Variants in SHOC1 observed in about 807,000 individuals in gnomAD.
SHOC1 encodes the protein shortage in chiasmata 1.
Under a neutral mutation model 179.2 loss-of-function variants are expected in SHOC1, and 136 were observed. The observed-to-expected ratio is 0.76, with a 90% CI of 0.66 to 0.87. The LOEUF (loss-of-function observed/expected upper bound fraction) is 0.87, where lower values mean the gene tolerates loss of function less well. SHOC1 is among the 40% of genes least tolerant of loss of function. The probability of loss-of-function intolerance (pLI) is 0.00; values close to 1 mark genes in which losing one functional copy is unlikely to be tolerated. For missense variants in SHOC1, 1,538 were observed against 1,700.8 expected (o/e 0.90, Z 1.68); for synonymous variants, 489 against 586.6 (o/e 0.83, Z 2.41).
chr9:111,740,637 A>T (rs1833987949), intron 11 of SHOC1, among the ~76,000 whole-genome samples: 1 of 152,064 alleles, frequency 6.6e-6, no homozygotes, highest in South Asian at 2.1e-4. Context: ...TGCAGTGGTG[A>T]TCTCAGCTCT....
At chr9:111,770,605 G>A (rs1835562872) in intron 5 of SHOC1, among the ~76,000 whole-genome samples, 1 of 152,060 alleles carries the variant, frequency 6.6e-6, no homozygotes, top group African/African-American at 2.4e-5. Context: ...TTTCTGTCTG[G>A]ATGATCTGTC....
At chr9:111,726,108 T>C (rs1283487091) in intron 13 of SHOC1, among the ~76,000 whole-genome samples, 2 of 152,184 alleles carry the variant, frequency 1.3e-5, no homozygotes, top group African/African-American at 2.4e-5. Context: ...CTTATTTTTA[T>C]GCAGAAGCGA....
intron 24 of SHOC1, among the ~76,000 whole-genome samples, chr9:111,694,715 A>C (rs1564103896): frequency 6.6e-6 from 1 of 152,110 alleles, no homozygotes; most frequent in African/African-American, 2.4e-5. Flanking sequence ...CTGTTTCCAA[A>C]AGTTAAACCT....
chr9:111,760,427 A>C (rs1835084746), intron 5 of SHOC1, among the ~76,000 whole-genome samples: 1 of 152,190 alleles, frequency 6.6e-6, no homozygotes, highest in South Asian at 2.1e-4. Context: ...ATTGTAGAGG[A>C]ATATTAAATT....
Position 111,738,260 on chromosome 9 carries a change from AT to A in SHOC1, c.1417+19del. On this transcript the variant is annotated intron_variant, in intron 12 of 27. Transcript: ENST00000682961. ...TTCTGAAAATGTTTACATAACTAAT[AT>A]TTACTGTGATGTACTTACATTCTAA... The A allele has an allele frequency of 1.3e-6, 2 of 1,587,028 alleles. No homozygotes were observed. Among genetic ancestry groups the A allele is most frequent in the South Asian group, 1.1e-5 (1 of 88,722 alleles).
chr9:111,758,982 A>G, intron 5 of SHOC1, 134 bp from the exon 6 acceptor site: 1 of 865,102 alleles, frequency 1.2e-6, no homozygotes, highest in Admixed American at 2.8e-5. Flanking sequence ...GTAGCTCTTC[A>G]TTGTACTGTG....
At chr9:111,745,634 G>A (rs556655936) in intron 10 of SHOC1, among the ~76,000 whole-genome samples, 10 of 152,278 alleles carry the variant, frequency 6.6e-5, no homozygotes, top group African/African-American at 2.2e-4. Flanking sequence ...AGCCAAGGAG[G>A]GAGGTCTTAG....
At chr9:111,724,300 A>G (rs1833200295) in intron 13 of SHOC1, among the ~76,000 whole-genome samples, 1 of 151,836 alleles carries the variant, frequency 6.6e-6, no homozygotes, top group Admixed American at 6.6e-5. Context: ...CTCTGTCCCA[A>G]ACCTTCCCTA....
At chr9:111,732,504 G>A (rs1181300424) in intron 12 of SHOC1, among the ~76,000 whole-genome samples, 3 of 151,998 alleles carry the variant, frequency 2.0e-5, no homozygotes, top group Admixed American at 1.3e-4. Flanking sequence ...TAAAAAACTG[G>A]GGGAAAAGCC....
intron 11 of SHOC1, among the ~76,000 whole-genome samples, chr9:111,740,979 C>T (rs886963188): frequency 6.6e-5 from 10 of 152,084 alleles, no homozygotes; most frequent in Non-Finnish European, 5.9e-5. Flanking sequence ...CCTCCGCCTC[C>T]CAGGTTTTCA....
At position 111,793,921 on chromosome 9, in the gene SHOC1, G is replaced by A. The variant is rs191866454; in HGVS notation, c.-37+979C>T. On this transcript the variant is annotated intron_variant, in intron 1 of 27. Coordinates refer to ENST00000682961, the MANE Select transcript of SHOC1 (RefSeq NM_001378211.1). ...GGCTGGAGTGCAATGGTGCGATCTT[G>A]GCTCACTGCAACCTCCAGCTCCCGG... 4.3e-3 allele frequency among the ~76,000 whole-genome samples: 647 copies of A among 152,092 alleles called. 15 individuals carry two copies. Among genetic ancestry groups the A allele is most frequent in the Admixed American group, 0.034 (524 of 15,272 alleles).
chr9:111,740,013 T>C (rs941798870), intron 11 of SHOC1, among the ~76,000 whole-genome samples: 1 of 152,242 alleles, frequency 6.6e-6, no homozygotes, highest in Non-Finnish European at 1.5e-5. Flanking sequence ...TTTAAAAGTA[T>C]ATAGGTGGTT....
chr9:111,790,346 C>T lies in SHOC1; in HGVS notation c.45+1028G>A, dbSNP rs140905222. ...TCAGAAGGGCAAAGTATCTGTCCCA[C>T]AGAAAGTGGTCAATGCATGCTATTA... On this transcript the variant is annotated intron_variant, in intron 2 of 27. Coordinates refer to ENST00000682961, the MANE Select transcript of SHOC1 (RefSeq NM_001378211.1). 4.3e-3 allele frequency among the ~76,000 whole-genome samples: 649 copies of T among 152,232 alleles called. 15 individuals carry two copies. Among genetic ancestry groups the T allele is most frequent in the Admixed American group, 0.034 (526 of 15,282 alleles).
At chr9:111,702,924 A>G (rs2131346163) in intron 22 of SHOC1, among the ~76,000 whole-genome samples, 1 of 152,332 alleles carries the variant, frequency 6.6e-6, no homozygotes, top group East Asian at 1.9e-4. Flanking sequence ...ACCCTGGGCA[A>G]CATAGCACAA....
chr9:111,690,454 G>A (rs1478336285), intron 27 of SHOC1, among the ~76,000 whole-genome samples: 1 of 152,052 alleles, frequency 6.6e-6, no homozygotes, highest in Admixed American at 6.6e-5. Context: ...AGACAAGGTA[G>A]CATGAAATAT....
At chr9:111,790,873 G>C (rs1010253962) in intron 2 of SHOC1, among the ~76,000 whole-genome samples, 1 of 152,190 alleles carries the variant, frequency 6.6e-6, no homozygotes, top group African/African-American at 2.4e-5. Flanking sequence ...GACATTAAAT[G>C]TGGAAAATAA....
intron 12 of SHOC1, among the ~76,000 whole-genome samples, chr9:111,730,867 G>A (rs531752937): frequency 2.6e-5 from 4 of 152,302 alleles, no homozygotes; most frequent in South Asian, 2.1e-4. Context: ...CAAATAGAAC[G>A]CTGTTTCATC....
rs1834027735 is a variant in SHOC1, at chr9:111,741,312, C to G, written c.1174+164G>C. 2.0e-5 allele frequency among the ~76,000 whole-genome samples: 3 copies of G among 152,022 alleles called. No homozygotes were observed. In the South Asian group the frequency reaches 6.2e-4, roughly 32 times the overall value. ...CGGATCTTGTCATATACTTCTGCAC[C>G]TAGCATAATGAACCTTATGGAAGAT... On this transcript the variant is annotated intron_variant, in intron 11 of 27. Coordinates refer to ENST00000682961, the MANE Select transcript of SHOC1 (RefSeq NM_001378211.1).
Position 111,781,141 on chromosome 9 carries a change from A to G in SHOC1, c.170-124T>C, listed in dbSNP as rs919016784. On this transcript the variant is annotated intron_variant, in intron 3 of 27. Coordinates refer to ENST00000682961, the MANE Select transcript of SHOC1 (RefSeq NM_001378211.1). ...ATTTATTCACAAATGTATTTTTTCA[A>G]AGTGATACCTGATTCCAAATATTTG... 6 of 675,958 alleles carry G rather than the reference A, an allele frequency of 8.9e-6. No individual in the cohort carries two copies. The Admixed American group carries it at 1.2e-4, about 14-fold the overall frequency. The allele number at this position is 675,958 out of a possible 1,614,324, so 41.9% of individuals were successfully genotyped here.
Sources: allele counts gnomAD v4.1 joint callset (sites outside exome capture counted in the v4.1 genomes callset), GRCh38; gene constraint gnomAD v4.1.1; transcripts MANE v1.5; gene names NCBI Gene and HGNC (gene_info 2026-07-23, HGNC 2026-07-21).